DCAF6: variants seen among roughly 807,000 people sequenced by gnomAD.
The protein encoded by DCAF6 is DDB1- and CUL4-associated factor 6.
Under a neutral mutation model 125.1 loss-of-function variants are expected in DCAF6, and 54 were observed. The observed-to-expected ratio is 0.43, with a 90% CI of 0.35 to 0.54. The LOEUF is 0.54. Among genes scored for constraint, DCAF6 ranks in the 20% least tolerant of loss-of-function variants. The probability of loss-of-function intolerance (pLI) is 0.01; values close to 1 mark genes in which losing one functional copy is unlikely to be tolerated. For missense variants in DCAF6, 934 were observed against 1,161.7 expected, an observed-to-expected ratio of 0.80 and a Z score of 2.85; for synonymous variants, 371 against 390.4, an observed-to-expected ratio of 0.95 and a Z score of 0.58.
At position 167,954,245 on chromosome 1, in the gene DCAF6, A is replaced by T. The variant is rs796188175; in HGVS notation, c.159+2384A>T. ...GGCCTCGAACTCCTGACCTCAGGTGATCCTCCCAAAGTGCTGGGATTACAG... is the reference window on the plus strand; with the variant it reads ...GGCCTCGAACTCCTGACCTCAGGTGTTCCTCCCAAAGTGCTGGGATTACAG... On this transcript the variant is annotated intron_variant, in intron 2 of 21. Coordinates refer to ENST00000367840, the MANE Select transcript of DCAF6 (RefSeq NM_001198956.2). Among the ~76,000 whole-genome samples the T allele has an allele frequency of 5.3e-5, 8 of 151,656 alleles. 1 individual carries two copies. In the East Asian group the frequency reaches 1.2e-3, roughly 22 times the overall value.
chr1:167,955,496 G>C (rs909198511), intron 2 of DCAF6, among the ~76,000 whole-genome samples: 1 of 150,696 alleles, frequency 6.6e-6, no homozygotes, highest in Non-Finnish European at 1.5e-5. Flanking sequence ...ATCATGTTGT[G>C]GTTACATTTC....
rs563384866 is a variant in DCAF6 at position 168,048,101 on chromosome 1, A to G, written c.2259-2791A>G. On this transcript the variant is annotated intron_variant, in intron 16 of 21. Transcript: ENST00000367840. ...CACTTACCAGCTTGTAATTAGTCCTATGATTTTGGAGAGTTTCTGTTTCCC... is the reference window on the plus strand; with the variant it reads ...CACTTACCAGCTTGTAATTAGTCCTGTGATTTTGGAGAGTTTCTGTTTCCC... Among the ~76,000 whole-genome samples, 9 of 152,246 alleles carry G rather than the reference A, an allele frequency of 5.9e-5. No individual in the cohort carries two copies. The South Asian group carries it at 1.0e-3, about 18-fold the overall frequency.
chr1:167,923,763 G>A, the DCAF6 span, among the ~76,000 whole-genome samples: 2 of 151,592 alleles, frequency 1.3e-5, no homozygotes, highest in African/African-American at 2.4e-5. Context: ...AGAATCATCC[G>A]AAGAGGTTAT....
the DCAF6 span, chr1:167,880,021 T>C: frequency 6.7e-6 from 7 of 1,038,856 alleles, no homozygotes; most frequent in South Asian, 1.4e-5. Context: ...GCAGGGCTCA[T>C]GTCTCACTCA....
rs1265956080 is a variant in DCAF6 at position 168,049,410 on chromosome 1, T to TTTG, written c.2259-1461_2259-1459dup. Among the ~76,000 whole-genome samples, 74 of 140,484 alleles carry TTTG rather than the reference T, an allele frequency of 5.3e-4. 2 individuals are homozygous for TTTG. The highest frequency in any genetic ancestry group is 9.8e-4 in the African/African-American group (34 of 34,606). The allele number at this position is 140,484 out of a possible 152,430, so 92.2% of individuals were successfully genotyped here. A position where few individuals can be genotyped will look rare whatever the true frequency, so the allele number is the denominator to read the frequency against. ...GGTGCATGTTGCTGCACTCTGCTAA[T>TTTG]TTGTTGTTGTTGTTGTTGTTGTTTT... is the stretch of plus-strand genomic sequence containing the variant. On this transcript the variant is annotated intron_variant, in intron 16 of 21. Transcript: ENST00000367840.
chr1:167,909,150 A>C, the DCAF6 span, among the ~76,000 whole-genome samples: 3 of 152,222 alleles, frequency 2.0e-5, no homozygotes, highest in Non-Finnish European at 4.4e-5. Flanking sequence ...CTTTATATAA[A>C]TGAAATCATA....
At chr1:168,064,089 T>C (rs1287713766) in intron 18 of DCAF6, 1 of 171,400 alleles carries the variant, frequency 5.8e-6, no homozygotes, top group Non-Finnish European at 1.2e-5. Context: ...ATTTTTTTTT[T>C]TTTTTTTTTT....
chr1:167,995,935 C>T (rs1681613301), intron 7 of DCAF6, among the ~76,000 whole-genome samples: 4 of 152,048 alleles, frequency 2.6e-5, no homozygotes, highest in South Asian at 2.1e-4. Context: ...GAATTCACAG[C>T]TTAGTGGAAG....
chr1:168,068,137 C>T (rs1692580197), intron 20 of DCAF6, among the ~76,000 whole-genome samples: 1 of 152,092 alleles, frequency 6.6e-6, no homozygotes, highest in African/African-American at 2.4e-5. Context: ...TGTTTTTCTG[C>T]CATTTGAAAG....
Position 168,050,950 on chromosome 1 carries a change from C to T in DCAF6, c.2300+17C>T. On this transcript the variant is annotated intron_variant, in intron 17 of 21. Transcript: ENST00000367840. ...AATAATGAGGTAATTCAGTATGTTC[C>T]TTCATAATTTTTTTTTTATGATGGA... 2.2e-6 allele frequency: 3 copies of T among 1,341,210 alleles called. No individual in the cohort carries two copies. Among genetic ancestry groups the T allele is most frequent in the Middle Eastern group, 3.9e-4 (2 of 5,190 alleles). 83.1% of individuals were successfully genotyped at this position (1,341,210 alleles called of 1,614,324 possible).
chr1:168,051,191 A>G (rs114258209), intron 17 of DCAF6, among the ~76,000 whole-genome samples: 144 of 152,378 alleles, frequency 9.5e-4, no homozygotes, highest in Admixed American at 1.7e-3. Context: ...CAAAGTAACT[A>G]TAATCTGAAA....
intron 12 of DCAF6, among the ~76,000 whole-genome samples, chr1:168,029,114 A>AT (rs1286945113): frequency 3.9e-5 from 6 of 152,090 alleles, no homozygotes; most frequent in African/African-American, 1.4e-4. Context: ...ACCCTATTTA[A>AT]TTTTTTTGTT....
At chr1:167,922,476 C>G in the DCAF6 span, among the ~76,000 whole-genome samples, 6 of 151,866 alleles carry the variant, frequency 4.0e-5, no homozygotes, top group African/African-American at 1.5e-4. Flanking sequence ...CAATCAATTC[C>G]ACTATAAAGA....
At position 167,975,288 on chromosome 1, in the gene DCAF6, C is replaced by T. The variant is rs148356659; in HGVS notation, c.438+273C>T. Among the ~76,000 whole-genome samples, 437 of 152,218 alleles carry T rather than the reference C, an allele frequency of 2.9e-3. 3 individuals are homozygous for T. The highest frequency in any genetic ancestry group is 6.8e-3 in the Middle Eastern group (2 of 294). On this transcript the variant is annotated intron_variant, in intron 4 of 21. Coordinates refer to ENST00000367840, the MANE Select transcript of DCAF6 (RefSeq NM_001198956.2). ...AGCAACCATGCTGTAAGCAAACAGA[C>T]GTTTACCTTTAAAGATACCTCTGTT...
intron 17 of DCAF6, among the ~76,000 whole-genome samples, chr1:168,053,818 C>T (rs185098332): frequency 4.6e-5 from 7 of 152,324 alleles, no homozygotes. Context: ...TTTACGCAAG[C>T]TGGCCCCGCA....
At chr1:168,032,286 C>G (rs1456094245) in intron 12 of DCAF6, among the ~76,000 whole-genome samples, 1 of 152,204 alleles carries the variant, frequency 6.6e-6, no homozygotes, top group African/African-American at 2.4e-5. Flanking sequence ...AATGTGTTGC[C>G]TCACAGTTAT....
At chr1:167,914,915 GGT>G in the DCAF6 span, among the ~76,000 whole-genome samples, 1 of 152,140 alleles carries the variant, frequency 6.6e-6, no homozygotes, top group Non-Finnish European at 1.5e-5. Flanking sequence ...AAAACAAGAG[GGT>G]CATTTAATTA....
intron 19 of DCAF6, among the ~76,000 whole-genome samples, chr1:168,066,038 A>G (rs2101978710): frequency 6.6e-6 from 1 of 152,340 alleles, no homozygotes; most frequent in African/African-American, 2.4e-5. Flanking sequence ...TCCAAATGGA[A>G]CATCCAGTCA....
chr1:167,943,063 C>T (rs978045360), intron 1 of DCAF6, among the ~76,000 whole-genome samples: 21 of 152,230 alleles, frequency 1.4e-4, no homozygotes, highest in African/African-American at 4.6e-4. Context: ...CCCGCCACCA[C>T]GCCCGGCTAA....
Sources: gnomAD v4.1 joint callset for allele counts (sites outside exome capture counted in the v4.1 genomes callset) on GRCh38, gnomAD v4.1.1 for gene constraint, MANE v1.5 for transcripts, NCBI Gene and HGNC (gene_info 2026-07-23, HGNC 2026-07-21) for gene names.